The following AMBRA1 variants were observed in gnomAD, a reference collection of about 807,000 sequenced individuals.
AMBRA1 encodes autophagy and beclin 1 regulator 1.
In AMBRA1, 47 loss-of-function variants were observed where a neutral mutation model predicts 125.4. The observed-to-expected ratio is 0.37, with a 90% CI of 0.30 to 0.48. AMBRA1 has a LOEUF of 0.48. AMBRA1 is among the 20% of genes least tolerant of loss of function. AMBRA1 has a pLI of 0.99. For synonymous variants in AMBRA1, 626 were observed against 655.5 expected (o/e 0.95, Z 0.69); for missense variants, 1,331 against 1,693.4 (o/e 0.79, Z 3.76).
At position 46,408,549 on chromosome 11, in the gene AMBRA1, G is replaced by A; in HGVS notation, c.3367C>T (p.Pro1123Ser). The A allele has an allele frequency of 6.3e-7, 1 of 1,590,134 alleles. No homozygotes were observed. The highest frequency in any genetic ancestry group is 2.3e-5 in the East Asian group (1 of 43,958). The change falls in exon 17 of 18, where the codon CCG becomes TCG. Residue 1123 changes from proline to serine, a missense_variant. Physicochemically the swap from Pro to Ser is moderately conservative, Grantham distance 74. Coordinates refer to ENST00000683756, the MANE Select transcript of AMBRA1 (RefSeq NM_001387011.1). The part of the protein sequence containing the change: ...NAETQTEREV[P>S]EPGTAASGPG... ...CCTGAGGCGGCTGTCCCTGGCTCCG[G>A]CACCTCCCTCTCAGTCTGTGTTTCG...
intron 1 of AMBRA1, among the ~76,000 whole-genome samples, chr11:46,593,171 C>A (rs962405334): frequency 6.6e-6 from 1 of 152,120 alleles, no homozygotes; most frequent in East Asian, 1.9e-4. Flanking sequence ...AGTCTATATT[C>A]CTAGGAAAAT....
At chr11:46,443,176 T>C (rs952876052) in intron 12 of AMBRA1, among the ~76,000 whole-genome samples, 23 of 152,112 alleles carry the variant, frequency 1.5e-4, no homozygotes, top group Non-Finnish European at 8.8e-5. Context: ...AAAGTTTAGG[T>C]GGAACTGAAA....
chr11:46,566,093 A>G (rs1425592480), intron 1 of AMBRA1, among the ~76,000 whole-genome samples: 1 of 152,170 alleles, frequency 6.6e-6, no homozygotes, highest in African/African-American at 2.4e-5. Context: ...ACTACAGTAC[A>G]TCCAAACCAT....
intron 11 of AMBRA1, among the ~76,000 whole-genome samples, chr11:46,482,443 A>C (rs930536700): frequency 2.6e-5 from 4 of 152,218 alleles, no homozygotes; most frequent in Non-Finnish European, 5.9e-5. Context: ...CAAATATTAC[A>C]AAAAGCAGCC....
intron 15 of AMBRA1, among the ~76,000 whole-genome samples, chr11:46,415,998 G>A (rs1346601467): frequency 1.3e-5 from 2 of 152,212 alleles, no homozygotes; most frequent in Admixed American, 6.5e-5. Context: ...AACAAACTGG[G>A]TGTAGATTAT....
chr11:46,455,798 G>GT (rs1948823275), intron 11 of AMBRA1, among the ~76,000 whole-genome samples: 1 of 152,186 alleles, frequency 6.6e-6, no homozygotes, highest in Non-Finnish European at 1.5e-5. Context: ...CCCAAAGAAA[G>GT]TAAGTAAGTT....
intron 1 of AMBRA1, among the ~76,000 whole-genome samples, chr11:46,577,024 A>C (rs1005290559): frequency 1.3e-5 from 2 of 152,166 alleles, no homozygotes; most frequent in African/African-American, 4.8e-5. Flanking sequence ...GAAATCACAT[A>C]CTCTGGAGAA....
chr11:46,407,589 G>A (rs1946086758), intron 17 of AMBRA1, among the ~76,000 whole-genome samples: 2 of 152,234 alleles, frequency 1.3e-5, no homozygotes, highest in Non-Finnish European at 2.9e-5. Flanking sequence ...TGCAGGAGGT[G>A]GGCTGTGCTA....
At chr11:46,538,312 T>A (rs1377712861) in intron 7 of AMBRA1, among the ~76,000 whole-genome samples, 1 of 152,184 alleles carries the variant, frequency 6.6e-6, no homozygotes, top group Non-Finnish European at 1.5e-5. Context: ...GAACCCTGAG[T>A]TATTTGTATA....
chr11:46,589,917 C>T (rs1382056587), intron 1 of AMBRA1, among the ~76,000 whole-genome samples: 4 of 151,704 alleles, frequency 2.6e-5, no homozygotes, highest in Non-Finnish European at 4.4e-5. Flanking sequence ...CCACCGCGCC[C>T]GGTCTAAAAA....
Position 46,544,095 on chromosome 11 carries a change from G to C in AMBRA1, c.552-54C>G, listed in dbSNP as rs776576372. On this transcript the variant is annotated intron_variant, in intron 5 of 17. Coordinates refer to ENST00000683756, the MANE Select transcript of AMBRA1 (RefSeq NM_001387011.1). ...CACACATAGAGAGATTATGTTAACT[G>C]AGAAGAGGAAACTTGTGTTTGAATT... 3.5e-6 allele frequency: 5 copies of C among 1,418,084 alleles called. No homozygotes were observed. In the Admixed American group the frequency reaches 8.9e-5, roughly 25 times the overall value. 87.8% of individuals were successfully genotyped at this position (1,418,084 alleles called of 1,614,324 possible). A position where few individuals can be genotyped will look rare whatever the true frequency, so the allele number is the denominator to read the frequency against.
chr11:46,518,504 T>C (rs1388602154), intron 7 of AMBRA1: 1 of 153,824 alleles, frequency 6.5e-6, no homozygotes, highest in East Asian at 1.9e-4. Flanking sequence ...CTTGCCCTAA[T>C]GCTCTACAGC....
chr11:46,587,959 A>C (rs2044461927), intron 1 of AMBRA1, among the ~76,000 whole-genome samples: 1 of 152,186 alleles, frequency 6.6e-6, no homozygotes, highest in South Asian at 2.1e-4. Flanking sequence ...ACAACACACA[A>C]TGAAGAAAAA....
chr11:46,435,626 G>A (rs1030868528), intron 12 of AMBRA1, among the ~76,000 whole-genome samples: 35 of 152,224 alleles, frequency 2.3e-4, no homozygotes, highest in African/African-American at 7.5e-4. Context: ...ACCAAGAGAG[G>A]AAACAGAACA....
chr11:46,491,992 G>A (rs1470761294), intron 11 of AMBRA1, among the ~76,000 whole-genome samples: 1 of 152,242 alleles, frequency 6.6e-6, no homozygotes, highest in Non-Finnish European at 1.5e-5. Flanking sequence ...GGTGGAGGCA[G>A]ATGTCTGGAA....
At chr11:46,478,533 A>T (rs1011255299) in intron 11 of AMBRA1, among the ~76,000 whole-genome samples, 2 of 151,944 alleles carry the variant, frequency 1.3e-5, no homozygotes, top group African/African-American at 4.8e-5. Flanking sequence ...CTGATATCCT[A>T]TGTCTAGGAA....
chr11:46,530,033 T>C (rs950161183), intron 7 of AMBRA1, among the ~76,000 whole-genome samples: 1 of 152,156 alleles, frequency 6.6e-6, no homozygotes, highest in Non-Finnish European at 1.5e-5. Context: ...AAATATGTTA[T>C]GCAAACAGAA....
chr11:46,553,470 G>C (rs772946716), intron 1 of AMBRA1, among the ~76,000 whole-genome samples: 1 of 152,212 alleles, frequency 6.6e-6, no homozygotes, highest in African/African-American at 2.4e-5. Context: ...AGTTTGGCCA[G>C]GTGCAGTGGC....
intron 14 of AMBRA1, among the ~76,000 whole-genome samples, chr11:46,432,507 T>C (rs1200394020): frequency 1.3e-5 from 2 of 152,304 alleles, no homozygotes; most frequent in Non-Finnish European, 2.9e-5. Context: ...TCACTTTGTA[T>C]ATAATGGGTG....
Sources: gnomAD v4.1 joint callset for allele counts (sites outside exome capture counted in the v4.1 genomes callset) on GRCh38, gnomAD v4.1.1 for gene constraint, MANE v1.5 for transcripts, NCBI Gene and HGNC (gene_info 2026-07-23, HGNC 2026-07-21) for gene names.